The following IMMT variants were observed in gnomAD, a reference collection of about 807,000 sequenced individuals.
IMMT encodes the protein MICOS complex subunit MIC60.
In IMMT, 40 loss-of-function variants were observed where a neutral mutation model predicts 92.7. The observed-to-expected ratio is 0.43, with a 90% CI of 0.34 to 0.56. The LOEUF is 0.56. Among genes scored for constraint, IMMT ranks in the 20% least tolerant of loss-of-function variants. The probability of loss-of-function intolerance (pLI) is 0.03; values close to 1 mark genes in which losing one functional copy is unlikely to be tolerated. For synonymous variants in IMMT, 322 were observed against 336.1 expected (o/e 0.96, Z 0.46); for missense variants, 831 against 912.1 (o/e 0.91, Z 1.14).
chr2:86,165,636 T>A (rs938063893), intron 7 of IMMT, among the ~76,000 whole-genome samples: 8 of 152,218 alleles, frequency 5.3e-5, no homozygotes, highest in African/African-American at 1.9e-4. Flanking sequence ...TGACTTGGAA[T>A]AGAGATACAT....
chr2:86,186,622 A>C (rs893663318), intron 1 of IMMT, among the ~76,000 whole-genome samples: 1 of 152,230 alleles, frequency 6.6e-6, no homozygotes, highest in Non-Finnish European at 1.5e-5. Context: ...TGATCCAGCC[A>C]ACAGTCCCTG....
intron 7 of IMMT, among the ~76,000 whole-genome samples, chr2:86,165,245 G>A (rs530340358): frequency 1.3e-5 from 2 of 152,296 alleles, no homozygotes; most frequent in African/African-American, 4.8e-5. Flanking sequence ...CCTTCTGAGG[G>A]ATACTGGTCT....
chr2:86,171,730 G>A (rs1170455662), intron 4 of IMMT, among the ~76,000 whole-genome samples: 1 of 151,926 alleles, frequency 6.6e-6, no homozygotes, highest in African/African-American at 2.4e-5. Context: ...ACTAAACAAA[G>A]AATATTTTTT....
intron 11 of IMMT, 100 bp from the exon 12 acceptor site, chr2:86,151,620 C>T (rs766789074): frequency 1.7e-4 from 147 of 867,620 alleles, no homozygotes; most frequent in South Asian, 2.4e-4. Flanking sequence ...GAGCAGTAAA[C>T]GAAAGTAAAA....
chr2:86,175,914 ATCT>A (rs1474040070), intron 3 of IMMT, among the ~76,000 whole-genome samples: 1 of 152,224 alleles, frequency 6.6e-6, no homozygotes. Context: ...GATGAGTTCT[ATCT>A]TTAAGCATGG....
At chr2:86,192,635 A>G (rs1446702125) in intron 1 of IMMT, among the ~76,000 whole-genome samples, 1 of 152,232 alleles carries the variant, frequency 6.6e-6, no homozygotes, top group African/African-American at 2.4e-5. Context: ...ATAAATACAC[A>G]TTATAACATC....
chr2:86,151,504 A>G lies in IMMT; in HGVS notation c.1194T>C (p.Thr398=), dbSNP rs372833575. ...GAGCAATGAGGGAGTTCAGATCATC[A>G]GTAGAGAGCTTGTCAGCTAAGCAAA... ...SVSDLADKLS[T]DDLNSLIAHA... The change falls in exon 12 of 15, where the codon ACT becomes ACC. Residue 398 remains threonine, a synonymous_variant. Coordinates refer to ENST00000410111, the MANE Select transcript of IMMT (RefSeq NM_006839.3). The G allele has an allele frequency of 2.5e-6, 4 of 1,613,426 alleles. No homozygotes were observed. The highest frequency in any genetic ancestry group is 3.4e-6 in the Non-Finnish European group (4 of 1,179,440).
At chr2:86,179,346 CAA>C in intron 3 of IMMT, 85 bp downstream of exon 3, 1 of 1,143,716 alleles carries the variant, frequency 8.7e-7, no homozygotes, top group Non-Finnish European at 1.2e-6. Flanking sequence ...TCAAGAATAC[CAA>C]AAGACAACTG....
chr2:86,178,269 G>C (rs1677571112), intron 3 of IMMT, among the ~76,000 whole-genome samples: 1 of 140,260 alleles, frequency 7.1e-6, no homozygotes, highest in Non-Finnish European at 1.5e-5. Context: ...AGTGAGCTGA[G>C]ATCAGGCCAC....
chr2:86,151,947 C>T (rs1231550377), intron 11 of IMMT, among the ~76,000 whole-genome samples: 1 of 152,228 alleles, frequency 6.6e-6, no homozygotes, highest in Non-Finnish European at 1.5e-5. Flanking sequence ...TTCTCTCAGA[C>T]TTTTCCTTAA....
At position 86,162,076 on chromosome 2, in the gene IMMT, C is replaced by A. The variant is rs1290565238; in HGVS notation, c.796G>T (p.Ala266Ser). 2.6e-6 allele frequency: 4 copies of A among 1,561,140 alleles called. No homozygotes were observed. In the South Asian group the frequency reaches 4.9e-5, roughly 19 times the overall value. Residue 266 changes from alanine (A) to serine (S), a missense_variant, in exon 8 of 15, where the codon GCA becomes TCA. By Grantham distance (99) the Ala-to-Ser change is moderately conservative. Transcript: ENST00000410111. ...LKAAMDNSEI[A>S]GEKKSAQWRT... The stretch of plus-strand genomic sequence containing the variant: ...CACTGAGCAGATTTCTTCTCGCCTG[C>A]AATCTAAACAAAAAATTTTAATTAT...
intron 3 of IMMT, among the ~76,000 whole-genome samples, chr2:86,176,504 C>T (rs1008778843): frequency 4.6e-5 from 7 of 151,936 alleles, no homozygotes; most frequent in Non-Finnish European, 7.4e-5. Context: ...AATAGGGGTA[C>T]GGATAGTGGT....
chr2:86,188,886 A>T (rs924112909), intron 1 of IMMT, among the ~76,000 whole-genome samples: 2 of 152,262 alleles, frequency 1.3e-5, no homozygotes, highest in East Asian at 3.9e-4. Flanking sequence ...TATCCCTCTG[A>T]TGCACAAAAA....
At chr2:86,184,528 C>A (rs531290429) in intron 1 of IMMT, among the ~76,000 whole-genome samples, 6 of 151,858 alleles carry the variant, frequency 4.0e-5, no homozygotes, top group African/African-American at 1.4e-4. Context: ...TATTTAATAC[C>A]ACTAAGTTTA....
At chr2:86,144,925 T>C in intron 14 of IMMT, 44 bp from the exon 15 acceptor site, 1 of 1,544,604 alleles carries the variant, frequency 6.5e-7, no homozygotes, top group African/African-American at 1.4e-5. Context: ...TCTCTCCATC[T>C]GACAACATAC....
intron 14 of IMMT, among the ~76,000 whole-genome samples, chr2:86,145,729 C>T (rs1161063086): frequency 6.6e-6 from 1 of 151,982 alleles, no homozygotes; most frequent in Non-Finnish European, 1.5e-5. Context: ...TAGTTGGACT[C>T]GGCAAATCAC....
At chr2:86,146,242 G>A (rs1473160529) in intron 13 of IMMT, 45 bp from the exon 14 acceptor site, 1 of 1,558,496 alleles carries the variant, frequency 6.4e-7, no homozygotes, top group Non-Finnish European at 8.8e-7. Flanking sequence ...GATACTCAAT[G>A]CATGTCATGT....
rs1674831637 is a variant in IMMT at position 86,144,401 on chromosome 2, C to A, written c.2144G>T (p.Gly715Val). The change falls in exon 15 of 15, where the codon GGG becomes GTG. Residue 715 changes from glycine to valine, a missense_variant. By Grantham distance (109) the Gly-to-Val change is moderately radical (BLOSUM62 -3). Coordinates refer to ENST00000410111, the MANE Select transcript of IMMT (RefSeq NM_006839.3). ...GTCCTGTGCCACTCGTCTGGATTCC[C>A]CCTTCAGCTGATTGACAAACTTTGC... ...LAAKFVNQLKGESRRVAQDWL... is the reference protein window; with the variant it reads ...LAAKFVNQLKVESRRVAQDWL... The A allele has an allele frequency of 6.2e-7, 1 of 1,613,872 alleles. No homozygotes were observed. The highest frequency in any genetic ancestry group is 1.3e-5 in the African/African-American group (1 of 74,924).
chr2:86,160,353 C>T (rs74764365), intron 8 of IMMT, among the ~76,000 whole-genome samples: 40 of 152,278 alleles, frequency 2.6e-4, no homozygotes, highest in Non-Finnish European at 4.9e-4. Flanking sequence ...ACTTGACTCA[C>T]CAACCAATGA....
Sources: allele counts gnomAD v4.1 joint callset (sites outside exome capture counted in the v4.1 genomes callset), GRCh38; gene constraint gnomAD v4.1.1; transcripts MANE v1.5; gene names NCBI Gene and HGNC (gene_info 2026-07-23, HGNC 2026-07-21).